Variants in CCSER2 observed in about 807,000 individuals in gnomAD.
CCSER2 encodes serine-rich coiled-coil domain-containing protein 2.
A neutral mutation model predicts 92.3 loss-of-function variants in CCSER2; 46 were observed. The ratio of observed to expected loss-of-function variants is 0.50; its 90% CI spans 0.39 to 0.64. The LOEUF (loss-of-function observed/expected upper bound fraction) is 0.64, where lower values mean the gene tolerates loss of function less well. Among genes scored for constraint, CCSER2 ranks in the 30% least tolerant of loss-of-function variants. The probability of loss-of-function intolerance (pLI) is 0.00; values close to 1 mark genes in which losing one functional copy is unlikely to be tolerated. For synonymous variants in CCSER2, 433 were observed against 431.4 expected (o/e 1.00, Z -0.04); for missense variants, 1,244 against 1,238.9 (o/e 1.00, Z -0.06).
At position 84,378,731 on chromosome 10, in the gene CCSER2, G is replaced by A. The variant is rs1010951223; in HGVS notation, c.1614+4916G>A. ...ATTACAGGCATGTGCCACCGCGCCC[G>A]GCCTAAAAATTAATTTTTAGAAAAG... On this transcript the variant is annotated intron_variant, in intron 3 of 9. Coordinates refer to ENST00000372088, the MANE Select transcript of CCSER2 (RefSeq NM_001284240.2). Among the ~76,000 whole-genome samples, 8 of 151,978 alleles carry A rather than the reference G, an allele frequency of 5.3e-5. No homozygotes were observed. The East Asian group carries it at 5.8e-4, about 11-fold the overall frequency.
chr10:84,422,157 A>G (rs1843183424), intron 4 of CCSER2, among the ~76,000 whole-genome samples: 1 of 152,226 alleles, frequency 6.6e-6, no homozygotes, highest in African/African-American at 2.4e-5. Flanking sequence ...GAAGAAGGGC[A>G]GGAAACAGGA....
intron 5 of CCSER2, among the ~76,000 whole-genome samples, chr10:84,428,201 C>T (rs2133445230): frequency 6.6e-6 from 1 of 152,140 alleles, no homozygotes; most frequent in South Asian, 2.1e-4. Context: ...TCCTGGAAGA[C>T]AAATTTTCCA....
At chr10:84,413,035 TTTC>T (rs1842729678) in intron 3 of CCSER2, among the ~76,000 whole-genome samples, 1 of 152,212 alleles carries the variant, frequency 6.6e-6, no homozygotes, top group Non-Finnish European at 1.5e-5. Context: ...TCTTCTCTCT[TTTC>T]TTCTTTACTA....
chr10:84,489,853 G>A (rs528925969), intron 9 of CCSER2, among the ~76,000 whole-genome samples: 2 of 152,278 alleles, frequency 1.3e-5, no homozygotes, highest in South Asian at 4.2e-4. Flanking sequence ...TTTACAATTT[G>A]GCATGTTTTT....
At chr10:84,507,344 A>G (rs1188756919) in intron 9 of CCSER2, 1 of 984,412 alleles carries the variant, frequency 1.0e-6, no homozygotes, top group Non-Finnish European at 1.2e-6. Flanking sequence ...GTACAGTACA[A>G]TTTCGGATTT....
At chr10:84,413,972 T>C (rs1194109941) in intron 3 of CCSER2, among the ~76,000 whole-genome samples, 1 of 152,240 alleles carries the variant, frequency 6.6e-6, no homozygotes, top group African/African-American at 2.4e-5. Context: ...TTGCAACCTC[T>C]GCTTTTTTTA....
At chr10:84,390,847 T>G (rs1029684085) in intron 3 of CCSER2, 8 of 559,494 alleles carry the variant, frequency 1.4e-5, no homozygotes, top group African/African-American at 1.3e-4. Context: ...CATCTTAATC[T>G]TAATCATACA....
chr10:84,472,169 A>C (rs1846847049), intron 8 of CCSER2, among the ~76,000 whole-genome samples: 1 of 152,244 alleles, frequency 6.6e-6, no homozygotes, highest in South Asian at 2.1e-4. Context: ...AAATAGTCTT[A>C]TGTCTTGGAG....
At chr10:84,376,901 T>C (rs1408181780) in intron 3 of CCSER2, among the ~76,000 whole-genome samples, 1 of 152,156 alleles carries the variant, frequency 6.6e-6, no homozygotes, top group Non-Finnish European at 1.5e-5. Flanking sequence ...TAGTATTGCA[T>C]TGAGATTTTG....
chr10:84,371,252 G>A lies in CCSER2; in HGVS notation c.200G>A (p.Arg67Lys). 1.9e-6 allele frequency: 3 copies of A among 1,612,844 alleles called. No individual in the cohort carries two copies. Among genetic ancestry groups the A allele is most frequent in the Non-Finnish European group, 2.5e-6 (3 of 1,179,336 alleles). The change falls in exon 2 of 10, where the codon AGG becomes AAG. Residue 67 changes from arginine (R) to lysine (K), a missense_variant. Physicochemically the swap from Arg to Lys is conservative, Grantham distance 26. Transcript: ENST00000372088. Reference protein sequence around the residue: ...DCPSSHSFNWRKANKYQLCAQ... With the variant: ...DCPSSHSFNWKKANKYQLCAQ... ...CCATCATCTCATTCATTTAATTGGA[G>A]GAAAGCAAATAAATATCAGCTTTGT...
intron 3 of CCSER2, among the ~76,000 whole-genome samples, chr10:84,381,124 A>G (rs1464327762): frequency 6.6e-6 from 1 of 152,196 alleles, no homozygotes; most frequent in Non-Finnish European, 1.5e-5. Flanking sequence ...GTTGTTGTGT[A>G]TTTTGAGTAT....
intron 4 of CCSER2, among the ~76,000 whole-genome samples, chr10:84,419,468 G>C (rs1843035312): frequency 6.6e-6 from 1 of 152,144 alleles, no homozygotes; most frequent in Non-Finnish European, 1.5e-5. Context: ...GGCCAAAGCA[G>C]GTAACATGGC....
chr10:84,369,365 G>C (rs1206629192), intron 1 of CCSER2, among the ~76,000 whole-genome samples: 1 of 152,036 alleles, frequency 6.6e-6, no homozygotes, highest in Non-Finnish European at 1.5e-5. Flanking sequence ...ATTCTGGCTG[G>C]GATAAGGTGA....
chr10:84,490,557 C>T (rs1848097621), intron 9 of CCSER2, among the ~76,000 whole-genome samples: 1 of 152,206 alleles, frequency 6.6e-6, no homozygotes, highest in Non-Finnish European at 1.5e-5. Context: ...GTGCATTCGT[C>T]ACGTAGTTCT....
chr10:84,407,402 T>A (rs1166802331), intron 3 of CCSER2, among the ~76,000 whole-genome samples: 1 of 152,224 alleles, frequency 6.6e-6, no homozygotes, highest in Non-Finnish European at 1.5e-5. Flanking sequence ...AGGTTGGCCT[T>A]CCTTTTTTAT....
chr10:84,478,010 A>C (rs567856849), intron 9 of CCSER2, among the ~76,000 whole-genome samples: 1 of 152,320 alleles, frequency 6.6e-6, no homozygotes, highest in South Asian at 2.1e-4. Context: ...CTTTAGCAGC[A>C]TATGACACTT....
intron 1 of CCSER2, among the ~76,000 whole-genome samples, chr10:84,333,439 A>G (rs1843680895): frequency 6.6e-6 from 1 of 152,210 alleles, no homozygotes; most frequent in African/African-American, 2.4e-5. Flanking sequence ...CCTGCCAAGG[A>G]TAACATAGGT....
At chr10:84,481,394 A>G (rs1344695850) in intron 9 of CCSER2, among the ~76,000 whole-genome samples, 2 of 151,450 alleles carry the variant, frequency 1.3e-5, no homozygotes, top group Admixed American at 6.6e-5. Flanking sequence ...TATATTTTAT[A>G]TATATTGATT....
chr10:84,367,171 A>G (rs768859964), intron 1 of CCSER2, among the ~76,000 whole-genome samples: 2 of 151,680 alleles, frequency 1.3e-5, no homozygotes, highest in Non-Finnish European at 2.9e-5. Context: ...TAGGATACGT[A>G]TTTGCATCTG....
Sources: gnomAD v4.1 joint callset for allele counts (sites outside exome capture counted in the v4.1 genomes callset) on GRCh38, gnomAD v4.1.1 for gene constraint, MANE v1.5 for transcripts, NCBI Gene and HGNC (gene_info 2026-07-23, HGNC 2026-07-21) for gene names.